Variants in PDE4D observed in about 807,000 individuals in gnomAD.
PDE4D encodes 3',5'-cyclic-AMP phosphodiesterase 4D.
Under a neutral mutation model 87.4 loss-of-function variants are expected in PDE4D, and 24 were observed. That is an observed-to-expected ratio of 0.27 (90% CI 0.20 to 0.39). The LOEUF (loss-of-function observed/expected upper bound fraction) is 0.39. Among genes scored for constraint, PDE4D ranks in the 10% least tolerant of loss-of-function variants. PDE4D has a pLI of 1.00. For synonymous variants in PDE4D, 384 were observed against 383.2 expected (o/e 1.00, Z -0.02); for missense variants, 714 against 1,041.0 (o/e 0.69, Z 4.32).
chr5:59,947,191 T>TA (rs1171932271), intron 3 of PDE4D, among the ~76,000 whole-genome samples: 2 of 152,250 alleles, frequency 1.3e-5, no homozygotes, highest in Non-Finnish European at 2.9e-5. Context: ...CAAATCATCT[T>TA]AAAGTTTCCT....
chr5:59,958,321 G>T, intron 3 of PDE4D, among the ~76,000 whole-genome samples: 1 of 152,018 alleles, frequency 6.6e-6, no homozygotes, highest in East Asian at 1.9e-4. Context: ...TCCCTTGGAT[G>T]TAATAATGCC....
intron 2 of PDE4D, among the ~76,000 whole-genome samples, chr5:59,199,459 C>T (rs992794014): frequency 2.2e-4 from 33 of 152,014 alleles, no homozygotes; most frequent in African/African-American, 7.2e-4. Context: ...AAGATATTCT[C>T]CTCTGAAGTT....
chr5:59,637,015 T>C (rs999170821), intron 1 of PDE4D, among the ~76,000 whole-genome samples: 1 of 152,186 alleles, frequency 6.6e-6, no homozygotes, highest in Non-Finnish European at 1.5e-5. Flanking sequence ...AAAGGTCTAA[T>C]ATCCAGAATC....
At chr5:59,231,340 C>T (rs896930142) in intron 1 of PDE4D, among the ~76,000 whole-genome samples, 6 of 152,132 alleles carry the variant, frequency 3.9e-5, no homozygotes, top group Non-Finnish European at 7.3e-5. Flanking sequence ...GTTCTCGTTC[C>T]CTTGCAATTA....
At chr5:60,144,405 A>G (rs1780820712) in intron 2 of PDE4D, among the ~76,000 whole-genome samples, 1 of 152,250 alleles carries the variant, frequency 6.6e-6, no homozygotes, top group Admixed American at 6.5e-5. Context: ...CATCATCGAT[A>G]AAGAGAAAAC....
chr5:60,508,831 G>A (rs1014319761), intron 1 of PDE4D, among the ~76,000 whole-genome samples: 10 of 152,084 alleles, frequency 6.6e-5, no homozygotes, highest in African/African-American at 2.4e-4. Context: ...TATAACTCAT[G>A]TTTGAACAAA....
chr5:59,140,457 G>T (rs111655421), intron 5 of PDE4D, among the ~76,000 whole-genome samples: 5,456 of 152,132 alleles, frequency 0.036, 337 homozygotes, highest in African/African-American at 0.12. Flanking sequence ...TTTCTTGGAT[G>T]GAAAATTTAA....
At position 59,745,121 on chromosome 5, in the gene PDE4D, A is replaced by G. The variant is rs6862760; in HGVS notation, c.455+148047T>C. Among the ~76,000 whole-genome samples the G allele has an allele frequency of 3.2e-3, 488 of 152,244 alleles. 5 individuals are homozygous for G. The highest frequency in any genetic ancestry group is 0.011 in the African/African-American group (456 of 41,564). On this transcript the variant is annotated intron_variant, in intron 1 of 14. Transcript: ENST00000340635. ...GCTTTCACATCTCATGCTTTCTTCA[A>G]TGAATATGGTGTTCAGATTATATGG...
intron 1 of PDE4D, among the ~76,000 whole-genome samples, chr5:60,315,608 T>C (rs1755499937): frequency 6.6e-6 from 1 of 152,204 alleles, no homozygotes; most frequent in Non-Finnish European, 1.5e-5. Context: ...TCTGGGGTTT[T>C]TATGGTTTTA....
chr5:60,486,645 A>T (rs1370206861), intron 1 of PDE4D, among the ~76,000 whole-genome samples: 1 of 152,226 alleles, frequency 6.6e-6, no homozygotes, highest in Non-Finnish European at 1.5e-5. Flanking sequence ...AAATCATGCC[A>T]GTTGTTTAGG....
At chr5:59,360,696 T>C (rs1782064629) in intron 1 of PDE4D, among the ~76,000 whole-genome samples, 2 of 152,326 alleles carry the variant, frequency 1.3e-5, no homozygotes, top group Admixed American at 1.3e-4. Context: ...TGCTTTCAAA[T>C]ATTCATTCTA....
intron 5 of PDE4D, among the ~76,000 whole-genome samples, chr5:59,177,363 T>A (rs1784065925): frequency 6.6e-6 from 1 of 152,184 alleles, no homozygotes; most frequent in African/African-American, 2.4e-5. Flanking sequence ...CCTGAATTGA[T>A]GAAGAAACCC....
At chr5:59,616,780 A>AT (rs1274490395) in intron 1 of PDE4D, among the ~76,000 whole-genome samples, 39 of 151,124 alleles carry the variant, frequency 2.6e-4, no homozygotes, top group Admixed American at 1.1e-3. Context: ...TATAATTCTG[A>AT]TTTTTTTCCT....
intron 1 of PDE4D, among the ~76,000 whole-genome samples, chr5:60,477,124 G>C (rs561860559): frequency 2.0e-5 from 3 of 152,118 alleles, no homozygotes; most frequent in African/African-American, 7.2e-5. Context: ...CAAACCTGGA[G>C]TTAAGGAGAG....
chr5:59,735,730 G>A (rs143155200), intron 1 of PDE4D, among the ~76,000 whole-genome samples: 29 of 151,912 alleles, frequency 1.9e-4, no homozygotes, highest in African/African-American at 7.0e-4. Flanking sequence ...GCAGTGGCCC[G>A]ATCTCAGCTC....
chr5:60,174,374 T>G (rs1783737915), intron 2 of PDE4D, among the ~76,000 whole-genome samples: 2 of 151,540 alleles, frequency 1.3e-5, no homozygotes, highest in Non-Finnish European at 2.9e-5. Flanking sequence ...TGGACGGGAG[T>G]GACAGAAAGG....
intron 1 of PDE4D, among the ~76,000 whole-genome samples, chr5:59,803,599 C>G (rs910426680): frequency 3.3e-5 from 5 of 152,142 alleles, no homozygotes; most frequent in African/African-American, 1.2e-4. Flanking sequence ...GCACCTGGCC[C>G]CAGCAATGAG....
intron 1 of PDE4D, among the ~76,000 whole-genome samples, chr5:60,332,201 G>A (rs1215853970): frequency 6.6e-6 from 1 of 152,136 alleles, no homozygotes; most frequent in Admixed American, 6.6e-5. Context: ...TTAAAGTTTA[G>A]ATTCAGCGAG....
chr5:59,893,073 T>G (rs1387093861), intron 1 of PDE4D, 95 bp downstream of exon 1: 3 of 1,271,278 alleles, frequency 2.4e-6, no homozygotes, highest in Non-Finnish European at 3.3e-6. Flanking sequence ...ACCCTGGGTC[T>G]AGAATTGGTG....
Sources: allele counts gnomAD v4.1 joint callset (sites outside exome capture counted in the v4.1 genomes callset), GRCh38; gene constraint gnomAD v4.1.1; transcripts MANE v1.5; gene names NCBI Gene and HGNC (gene_info 2026-07-23, HGNC 2026-07-21).